Variants in KANK4 observed in about 807,000 individuals in gnomAD.
KANK4 encodes the protein KN motif and ankyrin repeat domain-containing protein 4.
Under a neutral mutation model 80.8 loss-of-function variants are expected in KANK4, and 50 were observed. That is an observed-to-expected ratio of 0.62 (90% CI 0.49 to 0.78). The LOEUF (loss-of-function observed/expected upper bound fraction) is 0.78. KANK4 is among the 30% of genes least tolerant of loss of function. The pLI is 0.00. For synonymous variants in KANK4, 465 were observed against 506.9 expected (o/e 0.92, Z 1.11); for missense variants, 1,196 against 1,240.1 (o/e 0.96, Z 0.53).
At chr1:62,265,265 G>A (rs1230492888) in intron 6 of KANK4, among the ~76,000 whole-genome samples, 1 of 151,884 alleles carries the variant, frequency 6.6e-6, no homozygotes. Flanking sequence ...TTTTGTGACA[G>A]GATCTCACTC....
At chr1:62,267,352 C>T (rs1488965572) in intron 5 of KANK4, among the ~76,000 whole-genome samples, 2 of 152,206 alleles carry the variant, frequency 1.3e-5, no homozygotes, top group African/African-American at 4.8e-5. Context: ...CTGTGTTGAT[C>T]TGAAGGCAGG....
chr1:62,268,386 T>C lies in KANK4; in HGVS notation c.2132A>G (p.His711Arg), dbSNP rs761418559. ...GCCCTGCCCAGCCTCGCAGGTGAGA[T>C]GGGCATCTTTGACATGCTTGTGATC... ...GPDHKHVKDA[H>R]LTCEAGQGIP... The change falls in exon 5 of 10, where the codon CAT becomes CGT. Residue 711 changes from histidine to arginine, a missense_variant. Physicochemically the swap from His to Arg is conservative, Grantham distance 29. Transcript: ENST00000371153. The C allele has an allele frequency of 1.9e-6, 3 of 1,613,970 alleles. No homozygotes were observed. Among genetic ancestry groups the C allele is most frequent in the Admixed American group, 3.3e-5 (2 of 60,000 alleles).
At chr1:62,317,746 G>A (rs546664456) in intron 1 of KANK4, among the ~76,000 whole-genome samples, 2 of 152,310 alleles carry the variant, frequency 1.3e-5, no homozygotes, top group East Asian at 3.9e-4. Context: ...AAAGAACTCA[G>A]CACTGGAGAA....
rs557783288 is a variant in KANK4, at chr1:62,292,862, G to A, written c.-70-11228C>T. ...CTTTTCCTATATATTGAGACCTTGG[G>A]CAAGTTAACTAACTCGTCTCATGGT... On this transcript the variant is annotated intron_variant, in intron 1 of 9. Coordinates refer to ENST00000371153, the MANE Select transcript of KANK4 (RefSeq NM_181712.5). 5.3e-5 allele frequency among the ~76,000 whole-genome samples: 8 copies of A among 152,264 alleles called. No homozygotes were observed. In the South Asian group the frequency reaches 1.0e-3, roughly 20 times the overall value.
At chr1:62,266,398 G>A (rs958543287) in intron 6 of KANK4, among the ~76,000 whole-genome samples, 2 of 149,040 alleles carry the variant, frequency 1.3e-5, no homozygotes, top group African/African-American at 2.5e-5. Flanking sequence ...TCACACCACT[G>A]CCTCACACTG....
intron 9 of KANK4, among the ~76,000 whole-genome samples, chr1:62,239,942 C>A (rs1671298910): frequency 1.3e-5 from 2 of 152,138 alleles, no homozygotes; most frequent in African/African-American, 2.4e-5. Context: ...GGTTCCAAGT[C>A]TTTGCTATTG....
In KANK4 at chr1:62,266,735, G is replaced by A; in HGVS notation, c.2316C>T (p.Leu772=). The part of the protein sequence containing the change: ...LPETGTTTDQ[L]LRQSLNTISQ... ...TGACAATGAAAAATTAGAGTACCAA[G>A]AGCTGGTCTGTGGTGGTCCCAGTTT... The change falls in exon 6 of 10, where the codon CTC becomes CTT. Residue 772 remains leucine (L), a synonymous_variant. Coordinates refer to ENST00000371153, the MANE Select transcript of KANK4 (RefSeq NM_181712.5). The A allele has an allele frequency of 1.3e-6, 2 of 1,596,926 alleles. No homozygotes were observed. Among genetic ancestry groups the A allele is most frequent in the Non-Finnish European group, 1.7e-6 (2 of 1,164,856 alleles).
Position 62,273,742 on chromosome 1 carries a change from G to A in KANK4, c.1362C>T (p.Leu454=). ...SWGHRGEENG[L]LWGPDGHKQG... is the part of the protein sequence containing the mutation. ...GTTTATGACCATCTGGCCCCCATAGGAGGCCATTCTCCTCTCCTCGGTGCC... is the reference window on the plus strand; with the variant it reads ...GTTTATGACCATCTGGCCCCCATAGAAGGCCATTCTCCTCTCCTCGGTGCC... Residue 454 remains leucine, a synonymous_variant, in exon 3 of 10, where the codon CTC becomes CTT. Transcript: ENST00000371153. The A allele has an allele frequency of 6.2e-7, 1 of 1,614,108 alleles. No homozygotes were observed. Among genetic ancestry groups the A allele is most frequent in the South Asian group, 1.1e-5 (1 of 91,068 alleles).
intron 1 of KANK4, among the ~76,000 whole-genome samples, chr1:62,306,506 A>G (rs746142769): frequency 1.3e-5 from 2 of 152,058 alleles, no homozygotes; most frequent in Non-Finnish European, 2.9e-5. Flanking sequence ...TTTCCTCCAA[A>G]CTGGTCTATA....
In KANK4 at chr1:62,237,377, A is replaced by T. The variant is rs1470336301; in HGVS notation, c.*900T>A. ...TGAGGGGAAAGCACCGGGAATTACC[A>T]TGAGGTAATGGATACGGCTATGCAG... is the stretch of plus-strand genomic sequence containing the variant. On this transcript the variant is annotated 3_prime_UTR_variant, in exon 10 of 10. Coordinates refer to ENST00000371153, the MANE Select transcript of KANK4 (RefSeq NM_181712.5). 1 of 152,178 alleles carries T rather than the reference A, an allele frequency of 6.6e-6. No homozygotes were observed. Among genetic ancestry groups the T allele is most frequent in the Non-Finnish European group, 1.5e-5 (1 of 68,038 alleles). 9.4% of individuals were successfully genotyped at this position (152,178 alleles called of 1,614,324 possible).
intron 1 of KANK4, among the ~76,000 whole-genome samples, chr1:62,295,428 G>C (rs1644354878): frequency 6.6e-6 from 1 of 152,204 alleles, no homozygotes; most frequent in African/African-American, 2.4e-5. Context: ...ACAGTGCTGG[G>C]ATTACAGGGG....
chr1:62,307,990 C>A (rs975128626), intron 1 of KANK4, among the ~76,000 whole-genome samples: 1 of 152,118 alleles, frequency 6.6e-6, no homozygotes, highest in South Asian at 2.1e-4. Context: ...TCACACCTCA[C>A]CCCCTGCCTT....
At chr1:62,282,060 T>C (rs1302913459) in intron 1 of KANK4, among the ~76,000 whole-genome samples, 1 of 152,128 alleles carries the variant, frequency 6.6e-6, no homozygotes, top group Non-Finnish European at 1.5e-5. Flanking sequence ...TAATCCACTT[T>C]GCGAAAAAGC....
At chr1:62,305,722 TGAAG>T (rs1351861511) in intron 1 of KANK4, among the ~76,000 whole-genome samples, 1 of 151,978 alleles carries the variant, frequency 6.6e-6, no homozygotes, top group Non-Finnish European at 1.5e-5. Context: ...TGCAACACGG[TGAAG>T]GAAGAAAAAT....
At chr1:62,276,358 A>G (rs1672314655) in intron 2 of KANK4, among the ~76,000 whole-genome samples, 1 of 152,222 alleles carries the variant, frequency 6.6e-6, no homozygotes, top group South Asian at 2.1e-4. Context: ...TGGAGAGTAC[A>G]GAGGTTCAGA....
intron 8 of KANK4, among the ~76,000 whole-genome samples, chr1:62,252,353 G>A (rs1176059262): frequency 1.3e-5 from 2 of 152,240 alleles, no homozygotes; most frequent in Admixed American, 1.3e-4. Flanking sequence ...GGGGACTGGG[G>A]CATGATTTGT....
chr1:62,302,785 C>A (rs1225619390), intron 1 of KANK4, among the ~76,000 whole-genome samples: 1 of 152,080 alleles, frequency 6.6e-6, no homozygotes, highest in Non-Finnish European at 1.5e-5. Flanking sequence ...ATAAGCCACC[C>A]CGTCTATGGT....
At chr1:62,248,050 C>T (rs899717550) in intron 8 of KANK4, among the ~76,000 whole-genome samples, 5 of 152,112 alleles carry the variant, frequency 3.3e-5, no homozygotes, top group East Asian at 3.9e-4. Context: ...TGTCGAATGA[C>T]GGAACAGATG....
intron 1 of KANK4, among the ~76,000 whole-genome samples, chr1:62,283,003 G>A (rs1672484206): frequency 6.6e-6 from 1 of 152,196 alleles, no homozygotes; most frequent in Non-Finnish European, 1.5e-5. Flanking sequence ...GCAGACGGTG[G>A]AGAGGTGTGG....
Sources: allele counts gnomAD v4.1 joint callset (sites outside exome capture counted in the v4.1 genomes callset), GRCh38; gene constraint gnomAD v4.1.1; transcripts MANE v1.5; gene names NCBI Gene and HGNC (gene_info 2026-07-23, HGNC 2026-07-21).